The following KIAA1217 variants were observed in gnomAD, a reference collection of about 807,000 sequenced individuals.
KIAA1217 encodes sickle tail protein homolog.
In KIAA1217, 88 loss-of-function variants were observed where a neutral mutation model predicts 163.9. The observed-to-expected ratio is 0.54, with a 90% CI of 0.45 to 0.64. KIAA1217 has a LOEUF of 0.64. Ranked by LOEUF, KIAA1217 falls within the 30% of genes least tolerant of loss-of-function variation. The pLI, the probability that KIAA1217 is intolerant of heterozygous loss-of-function variation, is 0.00. For missense variants in KIAA1217, 2,372 were observed against 2,475.0 expected (o/e 0.96, Z 0.88); for synonymous variants, 903 against 923.1 (o/e 0.98, Z 0.39).
intron 3 of KIAA1217, among the ~76,000 whole-genome samples, chr10:24,422,900 A>ATTTTTTTTTTTTTTTTTT (rs1340410980): frequency 4.0e-5 from 5 of 123,814 alleles, no homozygotes; most frequent in Non-Finnish European, 6.8e-5. Context: ...TATAGATTTA[A>ATTTTTTTTTTTTTTTTTT]CTTTTTTTTT....
chr10:24,314,456 G>T (rs957079553), intron 2 of KIAA1217, among the ~76,000 whole-genome samples: 10 of 152,212 alleles, frequency 6.6e-5, no homozygotes, highest in Admixed American at 6.5e-4. Context: ...GGGTATTCAT[G>T]TGTGTATGCA....
At chr10:24,002,050 T>C (rs1846766730) in intron 1 of KIAA1217, among the ~76,000 whole-genome samples, 1 of 152,084 alleles carries the variant, frequency 6.6e-6, no homozygotes, top group Non-Finnish European at 1.5e-5. Flanking sequence ...TCTGTGATAG[T>C]AGATGAGGCT....
intron 2 of KIAA1217, among the ~76,000 whole-genome samples, chr10:24,369,997 G>A (rs1032590978): frequency 3.3e-5 from 5 of 152,288 alleles, no homozygotes; most frequent in Non-Finnish European, 5.9e-5. Context: ...CGGGCGCGGC[G>A]GCTCACGCCT....
intron 1 of KIAA1217, among the ~76,000 whole-genome samples, chr10:23,759,759 A>G (rs1384622771): frequency 1.3e-5 from 2 of 152,202 alleles, no homozygotes; most frequent in Non-Finnish European, 2.9e-5. Flanking sequence ...CTGTTTTCTG[A>G]CTATCAGACT....
chr10:23,759,716 G>A (rs958556490), intron 1 of KIAA1217, among the ~76,000 whole-genome samples: 1 of 152,324 alleles, frequency 6.6e-6, no homozygotes, highest in African/African-American at 2.4e-5. Context: ...TAAGAACGAT[G>A]TCTGACAGAC....
intron 1 of KIAA1217, among the ~76,000 whole-genome samples, chr10:23,838,154 A>G (rs1838583068): frequency 6.6e-6 from 1 of 152,104 alleles, no homozygotes; most frequent in Admixed American, 6.5e-5. Flanking sequence ...TTATACTACT[A>G]AGACTGTGAT....
intron 2 of KIAA1217, among the ~76,000 whole-genome samples, chr10:24,306,732 A>C (rs753822523): frequency 1.3e-5 from 2 of 152,228 alleles, no homozygotes; most frequent in Non-Finnish European, 2.9e-5. Context: ...AGTAGCCCAG[A>C]AGCCAAGTGT....
intron 1 of KIAA1217, among the ~76,000 whole-genome samples, chr10:23,826,587 T>C (rs1837910665): frequency 6.6e-6 from 1 of 152,130 alleles, no homozygotes; most frequent in African/African-American, 2.4e-5. Flanking sequence ...TCAGAGATGC[T>C]CTTGTCCATG....
intron 5 of KIAA1217, chr10:24,449,686 T>C (rs2061240459): frequency 1.0e-6 from 1 of 985,276 alleles, no homozygotes; most frequent in African/African-American, 1.7e-5. Flanking sequence ...CTGAAAGCAT[T>C]GGAGAGAGGG....
chr10:24,436,904 A>G (rs181809494), intron 4 of KIAA1217, among the ~76,000 whole-genome samples: 4 of 152,296 alleles, frequency 2.6e-5, no homozygotes, highest in Admixed American at 2.6e-4. Context: ...TATTTGCTAA[A>G]CAGTTGCCTA....
At chr10:23,708,784 A>G (rs1005385048) in intron 1 of KIAA1217, among the ~76,000 whole-genome samples, 4 of 152,134 alleles carry the variant, frequency 2.6e-5, no homozygotes, top group Non-Finnish European at 5.9e-5. Flanking sequence ...AAAAACATAT[A>G]TGGATGAAGA....
chr10:23,908,509 C>T (rs955036976), intron 1 of KIAA1217, among the ~76,000 whole-genome samples: 1 of 152,038 alleles, frequency 6.6e-6, no homozygotes, highest in Non-Finnish European at 1.5e-5. Flanking sequence ...CCAGATACAA[C>T]CCTCAACTGT....
chr10:23,999,854 A>C (rs1396213137), intron 1 of KIAA1217, among the ~76,000 whole-genome samples: 1 of 151,940 alleles, frequency 6.6e-6, no homozygotes, highest in Admixed American at 6.6e-5. Context: ...GAGCCCAGGA[A>C]TTTGAGACCA....
intron 2 of KIAA1217, among the ~76,000 whole-genome samples, chr10:24,147,411 G>A (rs2064370802): frequency 6.6e-6 from 1 of 152,138 alleles, no homozygotes; most frequent in African/African-American, 2.4e-5. Flanking sequence ...GCACCACTTT[G>A]AGAATTCTTT....
At chr10:23,991,710 C>T (rs1025423860) in intron 1 of KIAA1217, among the ~76,000 whole-genome samples, 11 of 152,090 alleles carry the variant, frequency 7.2e-5, no homozygotes, top group Non-Finnish European at 1.6e-4. Context: ...ACAACCATGA[C>T]GTACGATATA....
At chr10:24,015,583 G>T (rs11599637) in intron 2 of KIAA1217, among the ~76,000 whole-genome samples, 2 of 151,540 alleles carry the variant, frequency 1.3e-5, no homozygotes, top group African/African-American at 4.9e-5. Flanking sequence ...TGGTAAAACC[G>T]CATCTCTACT....
At position 23,955,245 on chromosome 10, in the gene KIAA1217, C is replaced by T. The variant is rs142041997; in HGVS notation, c.-320-51980C>T. Among the ~76,000 whole-genome samples the T allele has an allele frequency of 9.3e-4, 141 of 152,280 alleles. 1 individual carries two copies. The highest frequency in any genetic ancestry group is 4.4e-3 in the South Asian group (21 of 4,822). ...TCCAAGTCCTTAGCTGATAGCTGCC[C>T]TCCATTCACAAGAATAATAGTATCC... On this transcript the variant is annotated intron_variant, in intron 1 of 18. Coordinates refer to the KIAA1217 transcript ENST00000376462.
Position 24,431,768 on chromosome 10 carries a change from C to T in KIAA1217, c.554-1227C>T, listed in dbSNP as rs11014088. On this transcript the variant is annotated intron_variant, in intron 3 of 20. Coordinates refer to ENST00000376454, the MANE Select transcript of KIAA1217 (RefSeq NM_019590.5). Reference sequence around the variant, plus strand: ...GTCACACAGCCAAGCCCAGAATCAACGTGGAACAGAGCTGCTCTCCACAGA... The same window carrying T: ...GTCACACAGCCAAGCCCAGAATCAATGTGGAACAGAGCTGCTCTCCACAGA... 0.016 allele frequency among the ~76,000 whole-genome samples: 2,432 copies of T among 152,268 alleles called. 106 individuals carry two copies. The East Asian group carries it at 0.17, about 11-fold the overall frequency.
intron 3 of KIAA1217, among the ~76,000 whole-genome samples, chr10:24,414,189 G>A (rs1346500280): frequency 6.6e-6 from 1 of 152,194 alleles, no homozygotes; most frequent in East Asian, 1.9e-4. Context: ...CTTTGCTTTA[G>A]TTGTTCCTCC....
Sources: allele counts gnomAD v4.1 joint callset (sites outside exome capture counted in the v4.1 genomes callset), GRCh38; gene constraint gnomAD v4.1.1; transcripts MANE v1.5; gene names NCBI Gene and HGNC (gene_info 2026-07-23, HGNC 2026-07-21).